N4BP1: variants seen among roughly 807,000 people sequenced by gnomAD.
N4BP1 encodes NEDD4-binding protein 1.
N4BP1 carries 21 observed loss-of-function variants against 70.9 expected under a neutral mutation model. The ratio of observed to expected loss-of-function variants is 0.30; its 90% CI spans 0.21 to 0.43. N4BP1 has a LOEUF of 0.43. N4BP1 is among the 20% of genes least tolerant of loss of function. N4BP1 has a pLI of 1.00. For synonymous variants in N4BP1, 387 were observed against 394.6 expected, an observed-to-expected ratio of 0.98 and a Z score of 0.23; for missense variants, 936 against 1,069.4, an observed-to-expected ratio of 0.88 and a Z score of 1.74.
intron 1 of N4BP1, among the ~76,000 whole-genome samples, chr16:48,576,528 C>T (rs769367951): frequency 6.6e-6 from 1 of 152,230 alleles, no homozygotes; most frequent in Non-Finnish European, 1.5e-5. Context: ...TCAAAAACTT[C>T]CAGCTCTCCT....
intron 1 of N4BP1, among the ~76,000 whole-genome samples, chr16:48,588,977 T>C (rs976846599): frequency 3.3e-5 from 5 of 152,198 alleles, no homozygotes; most frequent in African/African-American, 7.2e-5. Flanking sequence ...AGTTTGCCAA[T>C]GTACATCCTA....
chr16:48,572,857 G>A (rs531936991), intron 1 of N4BP1, among the ~76,000 whole-genome samples: 29 of 152,300 alleles, frequency 1.9e-4, no homozygotes, highest in Admixed American at 3.9e-4. Context: ...AGGCTTGGGC[G>A]TGGTGGCTCA....
chr16:48,568,767 ATTG>A (rs139570617), intron 1 of N4BP1, among the ~76,000 whole-genome samples: 3,148 of 152,194 alleles, frequency 0.021, 110 homozygotes, highest in African/African-American at 0.07. Flanking sequence ...AGTCATTTGA[ATTG>A]TTGTTCCTCC....
chr16:48,569,644 C>T (rs898739736), intron 1 of N4BP1, among the ~76,000 whole-genome samples: 1 of 152,192 alleles, frequency 6.6e-6, no homozygotes, highest in South Asian at 2.1e-4. Context: ...AATCCACCTG[C>T]CTTGGCCTCT....
intron 1 of N4BP1, among the ~76,000 whole-genome samples, chr16:48,609,305 A>C (rs865963693): frequency 2.6e-5 from 4 of 152,156 alleles, no homozygotes; most frequent in African/African-American, 9.7e-5. Flanking sequence ...TCCGATTCTC[A>C]AGAGGAACTG....
intron 2 of N4BP1, among the ~76,000 whole-genome samples, chr16:48,555,379 C>T (rs1963735048): frequency 6.6e-6 from 1 of 152,240 alleles, no homozygotes; most frequent in East Asian, 1.9e-4. Flanking sequence ...TGTCACCCCA[C>T]CTGCATGTGC....
In N4BP1 at chr16:48,542,863, T is replaced by C. The variant is rs1408303743; in HGVS notation, c.*41A>G. ...GGTACAGGTGTGAGCTTGAGTTTGA[T>C]CAGCCAGCCCTGAGCGCAAGCTCAG... On this transcript the variant is annotated 3_prime_UTR_variant, in exon 7 of 7. Coordinates refer to ENST00000262384, the MANE Select transcript of N4BP1 (RefSeq NM_153029.4). 1 of 1,522,580 alleles carries C rather than the reference T, an allele frequency of 6.6e-7. No homozygotes were observed. Among genetic ancestry groups the C allele is most frequent in the African/African-American group, 1.4e-5 (1 of 72,562 alleles). 94.3% of individuals were successfully genotyped at this position (1,522,580 alleles called of 1,614,324 possible). A position where few individuals can be genotyped will look rare whatever the true frequency, so the allele number is the denominator to read the frequency against.
At chr16:48,596,184 T>C (rs1250781602) in intron 1 of N4BP1, among the ~76,000 whole-genome samples, 2 of 152,218 alleles carry the variant, frequency 1.3e-5, no homozygotes, top group African/African-American at 2.4e-5. Flanking sequence ...CTGTTATTGT[T>C]GTTTTTGAGT....
intron 1 of N4BP1, among the ~76,000 whole-genome samples, chr16:48,595,361 G>T (rs903086270): frequency 2.0e-5 from 3 of 148,312 alleles, no homozygotes; most frequent in African/African-American, 5.0e-5. Flanking sequence ...TACTAGGGAG[G>T]CAGGAGAATT....
At chr16:48,550,476 T>C (rs8061075) in intron 4 of N4BP1, among the ~76,000 whole-genome samples, 4,405 of 151,496 alleles carry the variant, frequency 0.029, 196 homozygotes, top group African/African-American at 0.098. Flanking sequence ...GATTGTACCA[T>C]TGCACTCCAG....
rs115177745 is a variant in N4BP1 at position 48,604,515 on chromosome 16, T to G, written c.198+5260A>C. Among the ~76,000 whole-genome samples, 771 of 149,952 alleles carry G rather than the reference T, an allele frequency of 5.1e-3. 6 individuals carry two copies. Among genetic ancestry groups the G allele is most frequent in the African/African-American group, 0.017 (695 of 40,652 alleles). ...GTAAGCTGAGATCATACCACTGCAC[T>G]CCAACCTAGGGACCCTGTCTCAAAA... is the stretch of plus-strand genomic sequence containing the variant. On this transcript the variant is annotated intron_variant, in intron 1 of 6. Coordinates refer to ENST00000262384, the MANE Select transcript of N4BP1 (RefSeq NM_153029.4).
chr16:48,580,855 T>G (rs1355255765), intron 1 of N4BP1, among the ~76,000 whole-genome samples: 1 of 152,158 alleles, frequency 6.6e-6, no homozygotes, highest in African/African-American at 2.4e-5. Flanking sequence ...TTACATTGTA[T>G]AAGGCATTAT....
intron 1 of N4BP1, among the ~76,000 whole-genome samples, chr16:48,565,835 T>C (rs1419244800): frequency 6.6e-6 from 1 of 152,230 alleles, no homozygotes; most frequent in Non-Finnish European, 1.5e-5. Flanking sequence ...TTATAGCTAT[T>C]TCATATGAAG....
chr16:48,600,820 C>T (rs1964484986), intron 1 of N4BP1, among the ~76,000 whole-genome samples: 1 of 152,190 alleles, frequency 6.6e-6, no homozygotes, highest in Non-Finnish European at 1.5e-5. Context: ...TAGATTGCAT[C>T]TCAGTGTTAA....
chr16:48,602,777 C>G (rs901215955), intron 1 of N4BP1, among the ~76,000 whole-genome samples: 23 of 148,020 alleles, frequency 1.6e-4, no homozygotes, highest in African/African-American at 4.8e-4. Flanking sequence ...ATGAGGAAAC[C>G]CCATCTCTAT....
rs559626035 is a variant in N4BP1 at position 48,554,124 on chromosome 16, G to A, written c.1890-455C>T. On this transcript the variant is annotated intron_variant, in intron 2 of 6. Transcript: ENST00000262384. ...GGGCAAGACTCAAATGAAACTAATG[G>A]GGGGCCGTGAAAGGCTATTTTAAGA... 6.1e-4 allele frequency among the ~76,000 whole-genome samples: 93 copies of A among 152,106 alleles called. 1 individual carries two copies. In the South Asian group the frequency reaches 0.019, roughly 31 times the overall value.
chr16:48,575,544 C>A (rs1964080057), intron 1 of N4BP1, among the ~76,000 whole-genome samples: 1 of 152,116 alleles, frequency 6.6e-6, no homozygotes, highest in Non-Finnish European at 1.5e-5. Flanking sequence ...ACAGCTAAAA[C>A]CAGAAATGAC....
chr16:48,609,987 C>G lies in N4BP1; in HGVS notation c.-15G>C. 1 of 1,185,464 alleles carries G rather than the reference C, an allele frequency of 8.4e-7. No individual in the cohort carries two copies. Among genetic ancestry groups the G allele is most frequent in the Non-Finnish European group, 1.0e-6 (1 of 958,638 alleles). The allele number at this position is 1,185,464 out of a possible 1,614,324, so 73.4% of individuals were successfully genotyped here. Reference sequence around the variant, plus strand: ...CGGGCCGCCATGGCGGGCGCGGCCTCCCGCGGCGGCGCCGGGGGCCGGCGG... The same window carrying G: ...CGGGCCGCCATGGCGGGCGCGGCCTGCCGCGGCGGCGCCGGGGGCCGGCGG... On this transcript the variant is annotated 5_prime_UTR_variant, in exon 1 of 7. Coordinates refer to ENST00000262384, the MANE Select transcript of N4BP1 (RefSeq NM_153029.4).
intron 1 of N4BP1, among the ~76,000 whole-genome samples, chr16:48,596,354 T>TG (rs1375894776): frequency 6.6e-6 from 1 of 152,218 alleles, no homozygotes; most frequent in Non-Finnish European, 1.5e-5. Context: ...CTAACACCTT[T>TG]GTCATGAAGC....
Sources: allele counts gnomAD v4.1 joint callset (sites outside exome capture counted in the v4.1 genomes callset), GRCh38; gene constraint gnomAD v4.1.1; transcripts MANE v1.5; gene names NCBI Gene and HGNC (gene_info 2026-07-23, HGNC 2026-07-21).